CCDC68: variants seen among roughly 807,000 people sequenced by gnomAD.
The protein encoded by CCDC68 is coiled-coil domain containing 68, also known as coiled-coil domain-containing protein 68.
Under a neutral mutation model 47.1 loss-of-function variants are expected in CCDC68, and 45 were observed. The ratio of observed to expected loss-of-function variants is 0.96; its 90% CI spans 0.75 to 1.23. The LOEUF is 1.23. CCDC68 is among the 50% of genes most tolerant of loss of function. The pLI, the probability that CCDC68 is intolerant of heterozygous loss-of-function variation, is 0.00. For missense variants in CCDC68, 353 were observed against 373.6 expected (o/e 0.94, Z 0.45); for synonymous variants, 131 against 129.5 (o/e 1.01, Z -0.08).
intron 7 of CCDC68, among the ~76,000 whole-genome samples, chr18:54,930,635 CT>C: frequency 6.1e-5 from 1 of 16,366 alleles, no homozygotes; most frequent in Admixed American, 5.0e-4. Context: ...CCCTCCCTCC[CT>C]CCCTCCCTCC....
chr18:54,907,282 A>G (rs530076977), intron 11 of CCDC68, among the ~76,000 whole-genome samples: 1 of 152,340 alleles, frequency 6.6e-6, no homozygotes, highest in East Asian at 1.9e-4. Flanking sequence ...TCATCGCTTG[A>G]AATCATTCAT....
At chr18:54,937,906 T>C in intron 5 of CCDC68, 51 bp downstream of exon 5, 1 of 1,546,274 alleles carries the variant, frequency 6.5e-7, no homozygotes, top group African/African-American at 1.4e-5. Flanking sequence ...CAACCCATTC[T>C]ATTAGCTCGA....
chr18:54,938,473 G>GTATTAGTA (rs1280037713), intron 4 of CCDC68, among the ~76,000 whole-genome samples: 3 of 152,168 alleles, frequency 2.0e-5, no homozygotes, highest in Admixed American at 6.5e-5. Context: ...AATACTGTCA[G>GTATTAGTA]ACCTAATAGT....
At chr18:54,907,283 A>C (rs1914067696) in intron 11 of CCDC68, among the ~76,000 whole-genome samples, 1 of 152,200 alleles carries the variant, frequency 6.6e-6, no homozygotes, top group Non-Finnish European at 1.5e-5. Context: ...CATCGCTTGA[A>C]ATCATTCATT....
intron 1 of CCDC68, among the ~76,000 whole-genome samples, chr18:54,955,863 G>A (rs561866778): frequency 2.6e-5 from 4 of 152,046 alleles, no homozygotes; most frequent in African/African-American, 9.7e-5. Context: ...GATTACAGGC[G>A]CATGCCACCA....
intron 1 of CCDC68, among the ~76,000 whole-genome samples, chr18:54,957,780 T>G (rs2044739972): frequency 6.6e-6 from 1 of 152,210 alleles, no homozygotes; most frequent in Admixed American, 6.5e-5. Flanking sequence ...TAAATAGCCA[T>G]ATAATTTTGA....
At position 54,934,806 on chromosome 18, in the gene CCDC68, C is replaced by T. The variant is rs540425961; in HGVS notation, c.600+14G>A. 5 of 1,472,616 alleles carry T rather than the reference C, an allele frequency of 3.4e-6. No homozygotes were observed. The Admixed American group carries it at 1.2e-4, about 35-fold the overall frequency. The allele number at this position is 1,472,616 out of a possible 1,614,324, so 91.2% of individuals were successfully genotyped here. Reference sequence around the variant, plus strand: ...CTGTCAGTAAGAAAATCCTCTAATTCTCCAGGGGCGTACCTTTTCCATTCT... The same window carrying T: ...CTGTCAGTAAGAAAATCCTCTAATTTTCCAGGGGCGTACCTTTTCCATTCT... On this transcript the variant is annotated intron_variant, in intron 7 of 11. Transcript: ENST00000591504.
chr18:54,940,363 G>A (rs2044415786), intron 4 of CCDC68, among the ~76,000 whole-genome samples: 2 of 152,158 alleles, frequency 1.3e-5, no homozygotes, highest in Admixed American at 1.3e-4. Context: ...TAGTTTAGAA[G>A]TATTTTAAAT....
intron 8 of CCDC68, among the ~76,000 whole-genome samples, chr18:54,922,670 T>G (rs1037145196): frequency 2.4e-4 from 36 of 151,910 alleles, no homozygotes; most frequent in African/African-American, 8.7e-4. Context: ...CTGGCCAACA[T>G]GGCAAAATCC....
intron 9 of CCDC68, among the ~76,000 whole-genome samples, chr18:54,918,684 G>A (rs1455904755): frequency 3.9e-5 from 6 of 152,192 alleles, no homozygotes; most frequent in Admixed American, 3.3e-4. Flanking sequence ...GAGTATTTGG[G>A]AGGACTTGTA....
At chr18:54,940,635 A>C (rs2044420521) in intron 4 of CCDC68, among the ~76,000 whole-genome samples, 1 of 152,138 alleles carries the variant, frequency 6.6e-6, no homozygotes, top group African/African-American at 2.4e-5. Flanking sequence ...CAAAGTCTTG[A>C]CTCAACTCAG....
intron 1 of CCDC68, among the ~76,000 whole-genome samples, chr18:54,951,748 A>G (rs569171156): frequency 6.6e-6 from 1 of 152,226 alleles, no homozygotes; most frequent in South Asian, 2.1e-4. Flanking sequence ...GAGCCTGAAC[A>G]GATGTTGTTG....
At chr18:54,931,608 C>T (rs539276232) in intron 7 of CCDC68, among the ~76,000 whole-genome samples, 3 of 152,138 alleles carry the variant, frequency 2.0e-5, no homozygotes, top group Non-Finnish European at 4.4e-5. Flanking sequence ...ACTAGGTGGT[C>T]TCAAAAGTGC....
At chr18:54,916,114 A>C (rs954034990) in intron 10 of CCDC68, among the ~76,000 whole-genome samples, 1 of 152,174 alleles carries the variant, frequency 6.6e-6, no homozygotes, top group African/African-American at 2.4e-5. Context: ...GGTCCCCTGA[A>C]ATAAATTAGC....
chr18:54,903,690 A>T lies in CCDC68; in HGVS notation c.*668T>A. On this transcript the variant is annotated 3_prime_UTR_variant, in exon 12 of 12. Coordinates refer to ENST00000591504, the MANE Select transcript of CCDC68 (RefSeq NM_025214.3). ...CTAGAAACCAATTTTTAATCCCAGAACTAAGAAGAACAGTCATTCTCTGAT... is the reference window on the plus strand; with the variant it reads ...CTAGAAACCAATTTTTAATCCCAGATCTAAGAAGAACAGTCATTCTCTGAT... 6.6e-6 allele frequency: 1 copy of T among 152,182 alleles called. No homozygotes were observed. The highest frequency in any genetic ancestry group is 1.9e-4 in the East Asian group (1 of 5,192). The allele number at this position is 152,182 out of a possible 1,614,324, so 9.4% of individuals were successfully genotyped here.
intron 1 of CCDC68, among the ~76,000 whole-genome samples, chr18:54,948,356 G>A (rs533166424): frequency 6.6e-6 from 1 of 152,094 alleles, no homozygotes; most frequent in Admixed American, 6.6e-5. Flanking sequence ...GAACACCAAC[G>A]ATTACTAGCA....
chr18:54,908,354 T>C (rs1167060190), intron 10 of CCDC68, among the ~76,000 whole-genome samples: 1 of 152,238 alleles, frequency 6.6e-6, no homozygotes, highest in Non-Finnish European at 1.5e-5. Flanking sequence ...TTTATATCTA[T>C]ACTAGTGGTA....
intron 1 of CCDC68, among the ~76,000 whole-genome samples, chr18:54,950,119 G>A (rs2044589109): frequency 6.6e-6 from 1 of 152,170 alleles, no homozygotes; most frequent in Non-Finnish European, 1.5e-5. Flanking sequence ...AAGTCAGCCA[G>A]AGTCAATTAC....
chr18:54,933,288 G>T (rs1599065066), intron 7 of CCDC68, among the ~76,000 whole-genome samples: 1 of 151,920 alleles, frequency 6.6e-6, no homozygotes, highest in East Asian at 1.9e-4. Flanking sequence ...CACCATGTTG[G>T]CCAGGATGGT....
Sources: gnomAD v4.1 joint callset for allele counts (sites outside exome capture counted in the v4.1 genomes callset) on GRCh38, gnomAD v4.1.1 for gene constraint, MANE v1.5 for transcripts, NCBI Gene and HGNC (gene_info 2026-07-23, HGNC 2026-07-21) for gene names.